Variants in DACH2 observed in about 807,000 individuals in gnomAD.
DACH2 encodes dachshund homolog 2.
In DACH2, 17 loss-of-function variants were observed where a neutral mutation model predicts 35.8. The observed-to-expected ratio is 0.48, with a 90% CI of 0.33 to 0.71. The LOEUF is 0.71. DACH2 is among the 30% of genes least tolerant of loss of function. DACH2 has a pLI of 0.02. For synonymous variants in DACH2, 195 were observed against 177.3 expected (o/e 1.10, Z -0.79); for missense variants, 469 against 472.7 (o/e 0.99, Z 0.07).
In DACH2 at chrX:86,827,617, C is replaced by A. The variant is rs188580197; in HGVS notation, c.1751-4489C>A. 1,187 of 449,980 alleles carry A rather than the reference C, an allele frequency of 2.6e-3. 6 individuals carry two copies. Among genetic ancestry groups the A allele is most frequent in the Non-Finnish European group, 3.9e-3 (984 of 252,254 alleles). The allele number at this position is 449,980 out of a possible 1,213,427, so 37.1% of individuals were successfully genotyped here. On this transcript the variant is annotated intron_variant, in intron 11 of 11. Coordinates refer to ENST00000373125, the MANE Select transcript of DACH2 (RefSeq NM_053281.3). ...ACCTAATAAAATAATACATTAATTG[C>A]GAGAGATATATTCAAATCTTGAACA...
chrX:86,249,891 G>A (rs979006169), intron 1 of DACH2, among the ~76,000 whole-genome samples: 3 of 111,589 alleles, frequency 2.7e-5, no homozygotes, highest in African/African-American at 6.5e-5. Flanking sequence ...ATGAGATCAT[G>A]TCCTTTTCAG....
rs191314686 is a variant in DACH2 at position 86,345,825 on chromosome X, G to A, written c.489-30999G>A. ...GCATTTTAGTTTACAGTTTTGCTCT[G>A]AGTAACATTTAGATGCTTTTTTCAA... On this transcript the variant is annotated intron_variant, in intron 1 of 11. Coordinates refer to ENST00000373125, the MANE Select transcript of DACH2 (RefSeq NM_053281.3). Among the ~76,000 whole-genome samples the A allele has an allele frequency of 4.0e-4, 45 of 111,483 alleles. 1 individual carries two copies. The highest frequency in any genetic ancestry group is 1.4e-3 in the African/African-American group (42 of 30,714).
At chrX:86,418,393 T>C (rs1195099517) in intron 2 of DACH2, among the ~76,000 whole-genome samples, 1 of 112,377 alleles carries the variant, frequency 8.9e-6, no homozygotes, top group Non-Finnish European at 1.9e-5. Context: ...AGCAAACTTC[T>C]GCCTGGAAAT....
chrX:86,723,839 C>T (rs1484636822), intron 6 of DACH2, among the ~76,000 whole-genome samples: 1 of 110,493 alleles, frequency 9.1e-6, no homozygotes, highest in African/African-American at 3.3e-5. Flanking sequence ...TCATGATATC[C>T]TCTTGCTGAA....
intron 1 of DACH2, among the ~76,000 whole-genome samples, chrX:86,232,169 G>A (rs929496995): frequency 2.7e-5 from 3 of 111,187 alleles, no homozygotes; most frequent in Non-Finnish European, 3.8e-5. Flanking sequence ...TCAAGTTGAC[G>A]ATCTTGAAAA....
intron 3 of DACH2, among the ~76,000 whole-genome samples, chrX:86,585,138 A>G (rs942640428): frequency 3.6e-5 from 4 of 110,694 alleles, no homozygotes; most frequent in African/African-American, 1.3e-4. Flanking sequence ...TTTTGGTAGA[A>G]TAATTTATTT....
intron 2 of DACH2, among the ~76,000 whole-genome samples, chrX:86,501,145 G>T (rs1602586289): frequency 8.9e-6 from 1 of 112,221 alleles, no homozygotes; most frequent in Non-Finnish European, 1.9e-5. Flanking sequence ...CCTTTCCTTT[G>T]CTGCCACTTT....
rs537287855 is a variant in DACH2, at chrX:86,594,687, A to G, written c.641-56349A>G. ...TCATCAGAGCCTGGGAGCATTTTAT[A>G]GCTTAGATTCTGGTCAGTCTTGGTA... On this transcript the variant is annotated intron_variant, in intron 3 of 11. Coordinates refer to ENST00000373125, the MANE Select transcript of DACH2 (RefSeq NM_053281.3). Among the ~76,000 whole-genome samples, 26 of 111,600 alleles carry G rather than the reference A, an allele frequency of 2.3e-4. No individual in the cohort carries two copies. In the South Asian group the frequency reaches 4.1e-3, roughly 18 times the overall value.
chrX:86,160,878 A>G (rs2030730475), intron 1 of DACH2: 1 of 573,197 alleles, frequency 1.7e-6, no homozygotes, highest in African/African-American at 2.2e-5. Flanking sequence ...TACAGTACCA[A>G]TGCCACCAAT....
chrX:86,531,821 G>A (rs141214128), intron 3 of DACH2, among the ~76,000 whole-genome samples: 234 of 112,334 alleles, frequency 2.1e-3, no homozygotes, highest in African/African-American at 7.3e-3. Context: ...CCAACAGCTT[G>A]CACCATGAAC....
At chrX:86,324,860 C>G (rs1363156201) in intron 1 of DACH2, among the ~76,000 whole-genome samples, 1 of 110,210 alleles carries the variant, frequency 9.1e-6, no homozygotes, top group African/African-American at 3.3e-5. Context: ...GCCACTCAAG[C>G]CTTCAGCAGA....
chrX:86,208,803 C>T (rs1049516946), intron 1 of DACH2, among the ~76,000 whole-genome samples: 7 of 111,437 alleles, frequency 6.3e-5, no homozygotes, highest in East Asian at 5.6e-4. Context: ...CCAGCAATTG[C>T]GTTTTGTCCT....
intron 7 of DACH2, among the ~76,000 whole-genome samples, chrX:86,772,049 C>T (rs2041992637): frequency 1.8e-5 from 2 of 111,533 alleles, no homozygotes; most frequent in Non-Finnish European, 3.8e-5. Context: ...AATTCTGAGC[C>T]TTGCTGTGAA....
At chrX:86,160,307 A>G in intron 1 of DACH2, 5 of 1,113,784 alleles carry the variant, frequency 4.5e-6, no homozygotes, top group Non-Finnish European at 6.2e-6. Context: ...CACTGCCTTG[A>G]TGACACCCAC....
At chrX:86,817,298 G>A (rs1459272671) in intron 11 of DACH2, among the ~76,000 whole-genome samples, 2 of 111,142 alleles carry the variant, frequency 1.8e-5, no homozygotes. Context: ...GTCTATATGA[G>A]CAAAACCAAT....
chrX:86,203,693 A>G (rs2032212462), intron 1 of DACH2, among the ~76,000 whole-genome samples: 2 of 111,735 alleles, frequency 1.8e-5, no homozygotes, highest in African/African-American at 6.5e-5. Context: ...TCTGGAGGAC[A>G]TGCCCCCATC....
chrX:86,705,760 G>T (rs775157864), intron 5 of DACH2, among the ~76,000 whole-genome samples: 16 of 111,312 alleles, frequency 1.4e-4, no homozygotes, highest in Admixed American at 4.8e-4. Flanking sequence ...CAAAGGAAAA[G>T]AAGTCATTAT....
intron 3 of DACH2, among the ~76,000 whole-genome samples, chrX:86,632,945 AAG>A (rs1237912944): frequency 8.1e-5 from 9 of 110,925 alleles, no homozygotes; most frequent in Non-Finnish European, 1.7e-4. Context: ...AGGCACTGCT[AAG>A]AGAGAAATTT....
chrX:86,481,640 C>T (rs1287440320), intron 2 of DACH2: 1 of 112,093 alleles, frequency 8.9e-6, no homozygotes, highest in Non-Finnish European at 1.9e-5. Flanking sequence ...AGCATGCACA[C>T]ATTAAATCAC....
Sources: gnomAD v4.1 joint callset for allele counts (sites outside exome capture counted in the v4.1 genomes callset) on GRCh38, gnomAD v4.1.1 for gene constraint, MANE v1.5 for transcripts, NCBI Gene and HGNC (gene_info 2026-07-23, HGNC 2026-07-21) for gene names.